LNX1: variants seen among roughly 807,000 people sequenced by gnomAD.
The protein encoded by LNX1 is ligand of numb-protein X 1.
Under a neutral mutation model 68.4 loss-of-function variants are expected in LNX1, and 54 were observed. That is an observed-to-expected ratio of 0.79 (90% confidence interval 0.63 to 0.99). The LOEUF is 0.99. Ranked by LOEUF, LNX1 falls within the 50% of genes least tolerant of loss-of-function variation. LNX1 has a pLI of 0.00. For synonymous variants in LNX1, 336 were observed against 350.0 expected, an observed-to-expected ratio of 0.96 and a Z score of 0.45; for missense variants, 906 against 926.4, an observed-to-expected ratio of 0.98 and a Z score of 0.29.
At chr4:53,480,569 A>T (rs1723845538) in intron 7 of LNX1, among the ~76,000 whole-genome samples, 1 of 152,322 alleles carries the variant, frequency 6.6e-6, no homozygotes, top group African/African-American at 2.4e-5. Context: ...GCAAAAAGAC[A>T]TCACGGAGTC....
In LNX1 at chr4:53,478,750, C is replaced by G; in HGVS notation, c.1486-8G>C. 6.2e-7 allele frequency: 1 copy of G among 1,607,942 alleles called. No homozygotes were observed. Among genetic ancestry groups the G allele is most frequent in the Middle Eastern group, 1.7e-4 (1 of 6,036 alleles). ...AATTGTAGGATGGAGGGGCTGAAGG[C>G]ACAGATGGAAAAACATGGCACATGA... On this transcript the variant is annotated splice_polypyrimidine_tract_variant and splice_region_variant and intron_variant, in intron 7 of 10. Coordinates refer to ENST00000263925, the MANE Select transcript of LNX1 (RefSeq NM_001126328.3).
At chr4:53,538,039 A>T (rs1161008505) in intron 2 of LNX1, among the ~76,000 whole-genome samples, 1 of 152,222 alleles carries the variant, frequency 6.6e-6, no homozygotes, top group Non-Finnish European at 1.5e-5. Flanking sequence ...AGGGAACATA[A>T]AGTATGTGAT....
intron 2 of LNX1, among the ~76,000 whole-genome samples, chr4:53,537,029 C>T (rs983071438): frequency 3.2e-4 from 49 of 152,102 alleles, no homozygotes; most frequent in African/African-American, 1.1e-3. Flanking sequence ...TTTTTTATAA[C>T]GTGAGCCACT....
intron 1 of LNX1, among the ~76,000 whole-genome samples, chr4:53,585,291 A>T (rs1464794046): frequency 6.6e-6 from 1 of 152,226 alleles, no homozygotes; most frequent in Non-Finnish European, 1.5e-5. Flanking sequence ...GAACATAGAA[A>T]TAAATGAAGG....
chr4:53,620,906 T>C (rs1378813844), upstream of LNX1, among the ~76,000 whole-genome samples: 3 of 152,274 alleles, frequency 2.0e-5, no homozygotes, highest in East Asian at 5.8e-4. Flanking sequence ...AAATGACTTT[T>C]GAGCTTCCAA....
chr4:53,498,459 CAG>C (rs979753339), intron 5 of LNX1, among the ~76,000 whole-genome samples, 180 bp downstream of exon 5: 1 of 152,004 alleles, frequency 6.6e-6, no homozygotes, highest in African/African-American at 2.4e-5. Flanking sequence ...AAGAGCAAGA[CAG>C]AGAGAAACAA....
chr4:53,562,142 T>C (rs1288374659), intron 2 of LNX1, among the ~76,000 whole-genome samples: 2 of 152,184 alleles, frequency 1.3e-5, no homozygotes, highest in South Asian at 2.1e-4. Context: ...AATGGAAATG[T>C]GGTCTTGAGC....
chr4:53,590,608 G>T (rs1460072826), intron 1 of LNX1, among the ~76,000 whole-genome samples: 2 of 152,086 alleles, frequency 1.3e-5, no homozygotes, highest in Non-Finnish European at 2.9e-5. Context: ...AACTTCCTCG[G>T]TATATTTGCT....
chr4:53,500,744 C>T (rs1725414791), intron 4 of LNX1, among the ~76,000 whole-genome samples: 2 of 152,146 alleles, frequency 1.3e-5, no homozygotes, highest in Admixed American at 1.3e-4. Context: ...CTGGTACTAA[C>T]AGTACTCGGG....
chr4:53,532,350 C>G (rs1183279642), intron 2 of LNX1, among the ~76,000 whole-genome samples: 3 of 152,114 alleles, frequency 2.0e-5, no homozygotes, highest in Non-Finnish European at 4.4e-5. Context: ...TTGGCACGCA[C>G]TGTAGCCCCG....
At chr4:53,462,637 T>C (rs1722252827) in intron 9 of LNX1, among the ~76,000 whole-genome samples, 1 of 152,138 alleles carries the variant, frequency 6.6e-6, no homozygotes, top group South Asian at 2.1e-4. Context: ...TGACGTGACT[T>C]TTTTCATGAT....
chr4:53,606,366 T>C (rs576342614), intron 2 of LNX1, among the ~76,000 whole-genome samples: 6 of 151,732 alleles, frequency 4.0e-5, no homozygotes, highest in Non-Finnish European at 8.8e-5. Context: ...ACATACAACC[T>C]CCCAAGATTG....
At chr4:53,471,948 A>T (rs1723219542) in intron 9 of LNX1, among the ~76,000 whole-genome samples, 1 of 152,230 alleles carries the variant, frequency 6.6e-6, no homozygotes. Context: ...AGGGATCTAG[A>T]ACTGGAAATA....
intron 2 of LNX1, among the ~76,000 whole-genome samples, chr4:53,539,661 G>A (rs989141963): frequency 6.6e-6 from 1 of 152,240 alleles, no homozygotes; most frequent in Non-Finnish European, 1.5e-5. Flanking sequence ...TGCAGAAAAT[G>A]TTTTTGTTCT....
intron 2 of LNX1, among the ~76,000 whole-genome samples, chr4:53,565,808 C>G (rs1162116352): frequency 1.3e-5 from 2 of 150,942 alleles, no homozygotes; most frequent in African/African-American, 4.9e-5. Context: ...CTTAAAGGAG[C>G]TGATGGAGCT....
At chr4:53,503,727 G>A (rs1370522132) in intron 4 of LNX1, among the ~76,000 whole-genome samples, 3 of 152,156 alleles carry the variant, frequency 2.0e-5, no homozygotes, top group Non-Finnish European at 4.4e-5. Context: ...TATTAGCCCC[G>A]AACAAGAGAG....
chr4:53,562,502 C>A (rs1435211004), intron 2 of LNX1, among the ~76,000 whole-genome samples: 2 of 152,222 alleles, frequency 1.3e-5, no homozygotes, highest in African/African-American at 4.8e-5. Context: ...TCATGCATAC[C>A]TACAGCCAGT....
At chr4:53,642,514 C>A (rs781189758) in intron 1 of LNX1, among the ~76,000 whole-genome samples, 1 of 152,156 alleles carries the variant, frequency 6.6e-6, no homozygotes, top group Non-Finnish European at 1.5e-5. Flanking sequence ...GCTAGGGGCC[C>A]TTCCCACATA....
rs553970827 is a variant in LNX1 at position 53,600,810 on chromosome 4, A to G, written c.-214-9295T>C. On this transcript the variant is annotated intron_variant, in intron 2 of 3. Transcript: ENST00000504299. ...CAGTGGTGCAATCTTGGCTCACTGC[A>G]ACCTCCAGCTCCTGGGTTCAAGCGA... 1.4e-4 allele frequency among the ~76,000 whole-genome samples: 21 copies of G among 149,648 alleles called. No homozygotes were observed. In the East Asian group the frequency reaches 2.3e-3, roughly 17 times the overall value.
Sources: allele counts gnomAD v4.1 joint callset (sites outside exome capture counted in the v4.1 genomes callset), GRCh38; gene constraint gnomAD v4.1.1; transcripts MANE v1.5; gene names NCBI Gene and HGNC (gene_info 2026-07-23, HGNC 2026-07-21).